The following NPEPPS variants were observed in gnomAD, a reference collection of about 807,000 sequenced individuals.
NPEPPS encodes aminopeptidase puromycin sensitive, also known as puromycin-sensitive aminopeptidase.
In NPEPPS, 14 loss-of-function variants were observed where a neutral mutation model predicts 115.5. That is an observed-to-expected ratio of 0.12 (90% CI 0.08 to 0.19). The LOEUF is 0.19. Among genes scored for constraint, NPEPPS ranks in the 10% least tolerant of loss-of-function variants. The pLI is 1.00. For missense variants in NPEPPS, 523 were observed against 1,110.8 expected, an observed-to-expected ratio of 0.47 and a Z score of 7.52; for synonymous variants, 285 against 390.6, an observed-to-expected ratio of 0.73 and a Z score of 3.19.
At chr17:47,614,812 G>A (rs986690191) in intron 19 of NPEPPS, among the ~76,000 whole-genome samples, 6 of 152,156 alleles carry the variant, frequency 3.9e-5, no homozygotes, top group African/African-American at 1.4e-4. Context: ...AAAGATCCAC[G>A]CTTAGGACAG....
At chr17:47,572,869 G>A (rs1054429223) in intron 3 of NPEPPS, among the ~76,000 whole-genome samples, 5 of 152,088 alleles carry the variant, frequency 3.3e-5, no homozygotes, top group African/African-American at 1.2e-4. Context: ...TCCACCTCGT[G>A]GGTTCCAGTG....
At chr17:47,617,210 T>A (rs1016583973) in intron 19 of NPEPPS, among the ~76,000 whole-genome samples, 5 of 152,172 alleles carry the variant, frequency 3.3e-5, no homozygotes, top group Non-Finnish European at 7.3e-5. Flanking sequence ...GTAATTTTAT[T>A]TTTTTCTTTA....
intron 10 of NPEPPS, 96 bp from the exon 11 acceptor site, chr17:47,591,859 TG>T (rs1912525312): frequency 1.8e-6 from 1 of 562,074 alleles, no homozygotes; most frequent in African/African-American, 1.9e-5. Context: ...GGCAGAAAAA[TG>T]TAAGTTAGAA....
At chr17:47,610,890 G>A (rs1004094482) in intron 17 of NPEPPS, among the ~76,000 whole-genome samples, 5 of 118,464 alleles carry the variant, frequency 4.2e-5, no homozygotes, top group African/African-American at 1.4e-4. Context: ...GTCTCACTCT[G>A]TCTCCAGGTT....
chr17:47,585,129 T>C (rs1912109257), intron 5 of NPEPPS, among the ~76,000 whole-genome samples: 1 of 152,188 alleles, frequency 6.6e-6, no homozygotes, highest in African/African-American at 2.4e-5. Context: ...GCCTAGCCCC[T>C]ATTTTATTTT....
chr17:47,546,208 C>T (rs1344591553), intron 2 of NPEPPS, among the ~76,000 whole-genome samples: 1 of 152,054 alleles, frequency 6.6e-6, no homozygotes, highest in African/African-American at 2.4e-5. Context: ...GAGCAGATCC[C>T]TGAGCCCATG....
intron 18 of NPEPPS, among the ~76,000 whole-genome samples, chr17:47,613,011 A>C (rs541594181): frequency 2.6e-5 from 4 of 152,192 alleles, no homozygotes; most frequent in Admixed American, 6.6e-5. Flanking sequence ...AACTGACCTA[A>C]GAACTGACCC....
At chr17:47,564,767 G>C (rs1356987500) in intron 2 of NPEPPS, among the ~76,000 whole-genome samples, 1 of 151,624 alleles carries the variant, frequency 6.6e-6, no homozygotes, top group Non-Finnish European at 1.5e-5. Context: ...GTATTTATGG[G>C]TTTCTACCCT....
At chr17:47,566,425 A>C (rs1910818120) in intron 2 of NPEPPS, among the ~76,000 whole-genome samples, 2 of 150,954 alleles carry the variant, frequency 1.3e-5, no homozygotes, top group South Asian at 4.2e-4. Flanking sequence ...GCCATTTATA[A>C]ATTTTCCTTT....
At chr17:47,570,376 C>G (rs149858893) in intron 3 of NPEPPS, among the ~76,000 whole-genome samples, 2 of 152,136 alleles carry the variant, frequency 1.3e-5, no homozygotes, top group African/African-American at 2.4e-5. Context: ...GAACCGAGAT[C>G]GTGCCACTGC....
intron 17 of NPEPPS, among the ~76,000 whole-genome samples, chr17:47,611,787 A>G (rs945498238): frequency 3.9e-5 from 6 of 152,144 alleles, no homozygotes; most frequent in African/African-American, 1.4e-4. Flanking sequence ...CTGTATGTTT[A>G]ACCTTTTGAG....
In NPEPPS at chr17:47,558,994, C is replaced by T. The variant is rs538757326; in HGVS notation, c.341-10423C>T. ...CGGAGGTTGCAGTGAACCGAGATTG[C>T]GCCATTGCATTCCAGCCTGGACAAC... On this transcript the variant is annotated intron_variant, in intron 2 of 22. Transcript: ENST00000322157. 6.8e-4 allele frequency among the ~76,000 whole-genome samples: 103 copies of T among 151,050 alleles called. 1 individual carries two copies. Among genetic ancestry groups the T allele is most frequent in the Non-Finnish European group, 2.7e-4 (18 of 67,862 alleles).
intron 2 of NPEPPS, among the ~76,000 whole-genome samples, chr17:47,567,966 G>C (rs1464106261): frequency 6.6e-6 from 1 of 151,836 alleles, no homozygotes; most frequent in Non-Finnish European, 1.5e-5. Context: ...ATGAACATTT[G>C]TATACAAACA....
At chr17:47,559,262 G>A (rs1439952697) in intron 2 of NPEPPS, among the ~76,000 whole-genome samples, 2 of 151,996 alleles carry the variant, frequency 1.3e-5, no homozygotes, top group South Asian at 2.1e-4. Context: ...GGCTGGTCTC[G>A]AACTCCTGGC....
chr17:47,574,501 T>C (rs571018953), intron 3 of NPEPPS, among the ~76,000 whole-genome samples: 21 of 152,214 alleles, frequency 1.4e-4, no homozygotes, highest in Non-Finnish European at 1.5e-4. Flanking sequence ...ATAGAAGATA[T>C]GGATTACACA....
chr17:47,598,299 C>T (rs1415340249), intron 13 of NPEPPS, among the ~76,000 whole-genome samples: 1 of 151,744 alleles, frequency 6.6e-6, no homozygotes, highest in Non-Finnish European at 1.5e-5. Flanking sequence ...ATAGTGAGAC[C>T]TCGTCTCTAC....
In NPEPPS at chr17:47,584,713, G is replaced by T. The variant is rs1360048165; in HGVS notation, c.649-787G>T. 3.9e-5 allele frequency among the ~76,000 whole-genome samples: 6 copies of T among 152,146 alleles called. No individual in the cohort carries two copies. In the East Asian group the frequency reaches 1.2e-3, roughly 29 times the overall value. ...AGGGAGAACACCAAAGGAAATTAGG[G>T]ACTCCAAAGGTAAAGTTGAAATTTC... is the stretch of plus-strand genomic sequence containing the variant. On this transcript the variant is annotated intron_variant, in intron 5 of 22. Transcript: ENST00000322157.
At chr17:47,532,578 G>A (rs1907889004) in intron 1 of NPEPPS, among the ~76,000 whole-genome samples, 1 of 151,006 alleles carries the variant, frequency 6.6e-6, no homozygotes, top group Non-Finnish European at 1.5e-5. Context: ...ACTTGAACCC[G>A]GGGGGCAGAG....
chr17:47,589,724 G>A (rs1912389074), intron 9 of NPEPPS, among the ~76,000 whole-genome samples: 2 of 152,046 alleles, frequency 1.3e-5, no homozygotes, highest in Admixed American at 1.3e-4. Flanking sequence ...TTCCATAAGT[G>A]CTTAAACACC....
Sources: gnomAD v4.1 joint callset for allele counts (sites outside exome capture counted in the v4.1 genomes callset) on GRCh38, gnomAD v4.1.1 for gene constraint, MANE v1.5 for transcripts, NCBI Gene and HGNC (gene_info 2026-07-23, HGNC 2026-07-21) for gene names.